Variants in UBE2D3 observed in about 807,000 individuals in gnomAD.
The protein encoded by UBE2D3 is ubiquitin-conjugating enzyme E2 D3.
In UBE2D3, 2 loss-of-function variants were observed where a neutral mutation model predicts 22.8. The observed-to-expected ratio is 0.09, with a 90% CI of 0.04 to 0.28. UBE2D3 has a LOEUF of 0.28. Ranked by LOEUF, UBE2D3 falls within the 10% of genes least tolerant of loss-of-function variation. The pLI is 1.00. For synonymous variants in UBE2D3, 56 were observed against 60.4 expected (o/e 0.93, Z 0.34); for missense variants, 27 against 182.5 (o/e 0.15, Z 4.91).
upstream of UBE2D3, chr4:102,827,890 C>T (rs1410256175): frequency 2.0e-6 from 2 of 985,602 alleles, no homozygotes; most frequent in Non-Finnish European, 2.4e-6. Flanking sequence ...AGGAAGCAGC[C>T]GCTGCGCGAT....
chr4:102,822,257 T>C (rs1560868725), intron 2 of UBE2D3, among the ~76,000 whole-genome samples: 2 of 152,112 alleles, frequency 1.3e-5, no homozygotes, highest in Non-Finnish European at 2.9e-5. Context: ...AATACTGAGG[T>C]CCTATTATTA....
At chr4:102,827,907 C>G (rs550371974), upstream of UBE2D3, 1 of 985,612 alleles carries the variant, frequency 1.0e-6, no homozygotes, top group African/African-American at 1.7e-5. Flanking sequence ...CGATCCAGCC[C>G]CACGCCCCTC....
At chr4:102,831,927 CTATT>C (rs1731137224), upstream of UBE2D3, among the ~76,000 whole-genome samples, 1 of 152,150 alleles carries the variant, frequency 6.6e-6, no homozygotes, top group Non-Finnish European at 1.5e-5. Flanking sequence ...TCCTAGTTTT[CTATT>C]TATTTAAAAA....
chr4:102,799,505 A>G lies in UBE2D3; in HGVS notation c.305-5T>C. On this transcript the variant is annotated splice_region_variant and splice_polypyrimidine_tract_variant and intron_variant, in intron 6 of 7. Transcript: ENST00000453744. Reference sequence around the variant, plus strand: ...GTGAACAAATGGATAAAAGAACTGCAAGAAAACAAAAACATCTGTTACCCA... The same window carrying G: ...GTGAACAAATGGATAAAAGAACTGCGAGAAAACAAAAACATCTGTTACCCA... 6.2e-7 allele frequency: 1 copy of G among 1,602,840 alleles called. No homozygotes were observed.
rs1446776322 is a variant in UBE2D3, at chr4:102,794,537, A to C, written c.*2878T>G. ...AAATTCACTTAAAAGTGTAATCAAC[A>C]ATCATTAACAGTTTTGTTATGCCAA... On this transcript the variant is annotated 3_prime_UTR_variant, in exon 8 of 8. Coordinates refer to ENST00000453744, the MANE Select transcript of UBE2D3 (RefSeq NM_181891.3). 1.3e-5 allele frequency: 2 copies of C among 152,112 alleles called. No individual in the cohort carries two copies. Among genetic ancestry groups the C allele is most frequent in the African/African-American group, 4.8e-5 (2 of 41,438 alleles). The allele number at this position is 152,112 out of a possible 1,614,324, so 9.4% of individuals were successfully genotyped here. A position where few individuals can be genotyped will look rare whatever the true frequency, so the allele number is the denominator to read the frequency against.
At chr4:102,858,701 A>T (rs1732740496) in intron 1 of UBE2D3, among the ~76,000 whole-genome samples, 1 of 151,974 alleles carries the variant, frequency 6.6e-6, no homozygotes, top group Admixed American at 6.6e-5. Flanking sequence ...GGTATGATTG[A>T]CATGTAAAGC....
At chr4:102,814,036 A>T (rs1340614249) in intron 2 of UBE2D3, among the ~76,000 whole-genome samples, 1 of 152,100 alleles carries the variant, frequency 6.6e-6, no homozygotes, top group African/African-American at 2.4e-5. Context: ...TATATCACAC[A>T]CCCTTTATAT....
At chr4:102,851,672 GTTTTTTT>G (rs11422292) in intron 1 of UBE2D3, among the ~76,000 whole-genome samples, 4 of 137,112 alleles carry the variant, frequency 2.9e-5, no homozygotes, top group African/African-American at 2.8e-5. Flanking sequence ...TTTGTTTTTT[GTTTTTTT>G]TTTTTGAGAC....
chr4:102,797,327 G>A lies in UBE2D3; in HGVS notation c.*88C>T, dbSNP rs1725368100. 1.7e-6 allele frequency: 2 copies of A among 1,175,678 alleles called. No homozygotes were observed. Among genetic ancestry groups the A allele is most frequent in the Non-Finnish European group, 2.5e-6 (2 of 816,200 alleles). The allele number at this position is 1,175,678 out of a possible 1,614,324, so 72.8% of individuals were successfully genotyped here. A position where few individuals can be genotyped will look rare whatever the true frequency, so the allele number is the denominator to read the frequency against. ...TTAAAAAAGATGAGGTCTGATAGGG[G>A]AGCAGCCGGATAAGAAAATCAAAAA... is the stretch of plus-strand genomic sequence containing the variant. On this transcript the variant is annotated 3_prime_UTR_variant, in exon 8 of 8. Transcript: ENST00000453744.
intron 2 of UBE2D3, among the ~76,000 whole-genome samples, chr4:102,826,165 C>A (rs1467159179): frequency 6.6e-6 from 1 of 151,960 alleles, no homozygotes; most frequent in Non-Finnish European, 1.5e-5. Flanking sequence ...CTCCGCAATT[C>A]GGACCCCCAA....
At chr4:102,852,235 A>G (rs1267411233) in intron 1 of UBE2D3, among the ~76,000 whole-genome samples, 1 of 152,246 alleles carries the variant, frequency 6.6e-6, no homozygotes, top group Non-Finnish European at 1.5e-5. Flanking sequence ...ATCAGATTAA[A>G]AAGCTAAAAG....
intron 2 of UBE2D3, among the ~76,000 whole-genome samples, chr4:102,816,189 C>T (rs1728757981): frequency 6.6e-6 from 1 of 152,176 alleles, no homozygotes; most frequent in Non-Finnish European, 1.5e-5. Flanking sequence ...CTGGGTCAGC[C>T]ATCATTAACC....
intron 1 of UBE2D3, among the ~76,000 whole-genome samples, chr4:102,857,795 G>C (rs532011729): frequency 1.3e-5 from 2 of 148,214 alleles, no homozygotes; most frequent in African/African-American, 4.9e-5. Context: ...CCGGGTTCAA[G>C]CAATTCTTCT....
At chr4:102,830,093 C>T (rs1731040439), upstream of UBE2D3, among the ~76,000 whole-genome samples, 1 of 152,272 alleles carries the variant, frequency 6.6e-6, no homozygotes, top group South Asian at 2.1e-4. Context: ...AGTGGACTTA[C>T]ATTTCTGCTT....
chr4:102,819,347 T>A (rs1055203823), intron 2 of UBE2D3, among the ~76,000 whole-genome samples: 41 of 148,810 alleles, frequency 2.8e-4, no homozygotes, highest in African/African-American at 4.1e-4. Context: ...AAAAAAAAAA[T>A]TCCCTCCTTT....
chr4:102,845,699 C>T (rs1247967617), intron 1 of UBE2D3, among the ~76,000 whole-genome samples: 1 of 152,316 alleles, frequency 6.6e-6, no homozygotes, highest in Non-Finnish European at 1.5e-5. Flanking sequence ...GCCATTATCA[C>T]TTTTCCCTGT....
intron 4 of UBE2D3, 103 bp downstream of exon 4, chr4:102,809,569 T>A: frequency 8.3e-7 from 1 of 1,200,218 alleles, no homozygotes; most frequent in Non-Finnish European, 1.2e-6. Context: ...CAAAATAGAA[T>A]TAACTATATG....
At chr4:102,811,814 C>T (rs759235211) in intron 2 of UBE2D3, 2 of 437,838 alleles carry the variant, frequency 4.6e-6, no homozygotes, top group African/African-American at 2.1e-5. Context: ...CGCAGGAGTT[C>T]GAGACCAGCT....
intron 1 of UBE2D3, among the ~76,000 whole-genome samples, chr4:102,841,817 C>T (rs1463670480): frequency 1.3e-5 from 2 of 152,166 alleles, no homozygotes; most frequent in African/African-American, 2.4e-5. Context: ...CTTTTCATTA[C>T]ACTATGATGC....
Sources: allele counts gnomAD v4.1 joint callset (sites outside exome capture counted in the v4.1 genomes callset), GRCh38; gene constraint gnomAD v4.1.1; transcripts MANE v1.5; gene names NCBI Gene and HGNC (gene_info 2026-07-23, HGNC 2026-07-21).